The following ATAD2B variants were observed in gnomAD, a reference collection of about 807,000 sequenced individuals.
The protein encoded by ATAD2B is ATPase family AAA domain-containing protein 2B.
A neutral mutation model predicts 167.6 loss-of-function variants in ATAD2B; 40 were observed. The ratio of observed to expected loss-of-function variants is 0.24; its 90% confidence interval spans 0.19 to 0.31. The LOEUF is 0.31. Ranked by LOEUF, ATAD2B falls within the 10% of genes least tolerant of loss-of-function variation. The pLI is 1.00. For missense variants in ATAD2B, 1,242 were observed against 1,757.2 expected (o/e 0.71, Z 5.24); for synonymous variants, 579 against 596.5 (o/e 0.97, Z 0.43).
At chr2:23,763,146 A>G (rs995196360) in intron 23 of ATAD2B, among the ~76,000 whole-genome samples, 6 of 152,214 alleles carry the variant, frequency 3.9e-5, no homozygotes, top group Admixed American at 1.3e-4. Flanking sequence ...TTGTTCTTAT[A>G]GATTCCCTAT....
At chr2:23,681,457 G>A in the ATAD2B span, among the ~76,000 whole-genome samples, 1 of 152,148 alleles carries the variant, frequency 6.6e-6, no homozygotes, top group African/African-American at 2.4e-5. This position sits in a 1 kb window ranked among gnomAD's most constrained non-coding sequence, Gnocchi z 4.2. Flanking sequence ...CCGGGACCTC[G>A]ATTTGAAAGG....
chr2:23,781,407 G>A (rs1282054812), intron 22 of ATAD2B, among the ~76,000 whole-genome samples: 2 of 152,100 alleles, frequency 1.3e-5, no homozygotes, highest in African/African-American at 2.4e-5. Flanking sequence ...GCTCAGGCCT[G>A]TAATCCCAGC....
At chr2:23,868,554 C>T (rs761372754) in intron 9 of ATAD2B, among the ~76,000 whole-genome samples, 14 of 152,200 alleles carry the variant, frequency 9.2e-5, no homozygotes, top group African/African-American at 2.2e-4. Context: ...GGATTACAGG[C>T]GTAAGCCATC....
chr2:23,810,559 GA>G, intron 17 of ATAD2B, 57 bp from the exon 18 acceptor site: 2 of 1,413,298 alleles, frequency 1.4e-6, no homozygotes, highest in South Asian at 2.8e-5. Flanking sequence ...AGACAAATAT[GA>G]AATATCAGGC....
At chr2:23,698,048 A>G in the ATAD2B span, 17 of 152,254 alleles carry the variant, frequency 1.1e-4, no homozygotes, top group African/African-American at 3.6e-4. Context: ...CAAGGATCAA[A>G]TGCACCAACT....
At chr2:23,787,693 T>C (rs1681031334) in intron 20 of ATAD2B, among the ~76,000 whole-genome samples, 1 of 152,010 alleles carries the variant, frequency 6.6e-6, no homozygotes, top group African/African-American at 2.4e-5. Context: ...GGAAATGTAT[T>C]GAGTATCCTA....
At position 23,824,699 on chromosome 2, in the gene ATAD2B, A is replaced by ATT. The variant is rs537614320; in HGVS notation, c.1820-1131_1820-1130insAA. Among the ~76,000 whole-genome samples the ATT allele has an allele frequency of 1.6e-4, 24 of 152,354 alleles. No homozygotes were observed. The East Asian group carries it at 3.5e-3, about 22-fold the overall frequency. ...TTAATGTATGATACAATCAAACAACAGATCAAGCCCCACTGTTTTTAAGTC... is the reference window on the plus strand; with the variant it reads ...TTAATGTATGATACAATCAAACAACATTGATCAAGCCCCACTGTTTTTAAGTC... On this transcript the variant is annotated intron_variant, in intron 15 of 27. Coordinates refer to ENST00000238789, the MANE Select transcript of ATAD2B (RefSeq NM_017552.4).
chr2:23,862,838 T>C (rs1304023702), intron 12 of ATAD2B, among the ~76,000 whole-genome samples: 2 of 152,204 alleles, frequency 1.3e-5, no homozygotes, highest in Non-Finnish European at 1.5e-5. Context: ...TGTTATATCC[T>C]GTGTTGTCTA....
chr2:23,728,028 A>G, the ATAD2B span, among the ~76,000 whole-genome samples: 1 of 152,190 alleles, frequency 6.6e-6, no homozygotes, highest in Non-Finnish European at 1.5e-5. Context: ...TGTAAAACAC[A>G]GAGTGAGCCC....
the ATAD2B span, among the ~76,000 whole-genome samples, chr2:23,727,155 A>G: frequency 6.6e-6 from 1 of 152,188 alleles, no homozygotes; most frequent in East Asian, 1.9e-4. Context: ...ATGAAAAGAC[A>G]AACCCCAGAC....
At chr2:23,872,568 C>A in intron 8 of ATAD2B, 1 of 1,147,862 alleles carries the variant, frequency 8.7e-7, no homozygotes, top group Non-Finnish European at 1.3e-6. Context: ...GGTAGCTGAT[C>A]CTCCGTGAGG....
Position 23,889,085 on chromosome 2 carries a change from G to T in ATAD2B, c.369-686C>A, listed in dbSNP as rs1699099751. Among the ~76,000 whole-genome samples, 6 of 152,284 alleles carry T rather than the reference G, an allele frequency of 3.9e-5. No individual in the cohort carries two copies. In the South Asian group the frequency reaches 1.2e-3, roughly 32 times the overall value. ...TGTCAATGCAAACTAAGATATTTTTGAAATATCCAACAATTATTAGTTTCG... is the reference window on the plus strand; with the variant it reads ...TGTCAATGCAAACTAAGATATTTTTTAAATATCCAACAATTATTAGTTTCG... On this transcript the variant is annotated intron_variant, in intron 2 of 27. Transcript: ENST00000238789.
intron 14 of ATAD2B, chr2:23,832,370 G>A (rs1291847609): frequency 5.3e-5 from 17 of 318,874 alleles, no homozygotes; most frequent in South Asian, 2.7e-4. Context: ...CTGTTTCCTC[G>A]AAATGTTAGA....
At chr2:23,748,021 T>C (rs185716841), downstream of ATAD2B, among the ~76,000 whole-genome samples, 1 of 152,264 alleles carries the variant, frequency 6.6e-6, no homozygotes, top group East Asian at 1.9e-4. Flanking sequence ...AGGTTTATTA[T>C]TAACAATCTT....
Position 23,748,897 on chromosome 2 carries a change from A to T in ATAD2B, c.*3149T>A, listed in dbSNP as rs539439217. 5 of 152,230 alleles carry T rather than the reference A, an allele frequency of 3.3e-5. No homozygotes were observed. The South Asian group carries it at 1.0e-3, about 32-fold the overall frequency. 9.4% of individuals were successfully genotyped at this position (152,230 alleles called of 1,614,324 possible). On this transcript the variant is annotated 3_prime_UTR_variant, in exon 28 of 28. Coordinates refer to ENST00000238789, the MANE Select transcript of ATAD2B (RefSeq NM_017552.4). ...AAGTAGACATACATGACTGAAACCA[A>T]ATTGGACTCCCAAAGTCTAAGTAAC...
chr2:23,926,656 T>C lies in ATAD2B; in HGVS notation c.115A>G (p.Ile39Val), dbSNP rs756902236. The change falls in exon 1 of 28, where the codon ATC becomes GTC. Residue 39 changes from isoleucine (I) to valine (V), a missense_variant. Ile to Val is a conservative substitution (Grantham distance 29, BLOSUM62 3). Coordinates refer to ENST00000238789, the MANE Select transcript of ATAD2B (RefSeq NM_017552.4). Reference sequence around the variant, plus strand: ...TTGGAGGAGCGGGTCCGAGAGGAGATGAAATGGCTGCTGCCTCCGGTCGCC... The same window carrying C: ...TTGGAGGAGCGGGTCCGAGAGGAGACGAAATGGCTGCTGCCTCCGGTCGCC... ...PGATGGSSHF[I>V]SSRTRSSKTR... 3.8e-6 allele frequency: 6 copies of C among 1,561,058 alleles called. No individual in the cohort carries two copies. Among genetic ancestry groups the C allele is most frequent in the South Asian group, 1.2e-5 (1 of 84,924 alleles).
chr2:23,719,184 T>C, the ATAD2B span, among the ~76,000 whole-genome samples: 1 of 152,194 alleles, frequency 6.6e-6, no homozygotes, highest in African/African-American at 2.4e-5. Context: ...GGTCTGGACC[T>C]AGCCGAGTTG....
intron 17 of ATAD2B, 70 bp from the exon 18 acceptor site, chr2:23,810,572 A>G: frequency 7.9e-7 from 1 of 1,263,542 alleles, no homozygotes; most frequent in Non-Finnish European, 1.1e-6. Flanking sequence ...ATATCAGGCA[A>G]AATTTTTACA....
intron 1 of ATAD2B, among the ~76,000 whole-genome samples, chr2:23,896,477 T>C (rs1179226775): frequency 2.0e-5 from 3 of 152,220 alleles, no homozygotes; most frequent in Non-Finnish European, 4.4e-5. Context: ...AAATATGTTG[T>C]TTCTTGTTTT....
Sources: allele counts gnomAD v4.1 joint callset (sites outside exome capture counted in the v4.1 genomes callset), GRCh38; gene constraint gnomAD v4.1.1; non-coding constraint Gnocchi (gnomAD v3.1); transcripts MANE v1.5; gene names NCBI Gene and HGNC (gene_info 2026-07-23, HGNC 2026-07-21).